Variants in PLEKHA6 observed in about 807,000 individuals in gnomAD.
PLEKHA6 encodes the protein pleckstrin homology domain containing A6.
PLEKHA6 carries 60 observed loss-of-function variants against 116.7 expected under a neutral mutation model. The observed-to-expected ratio is 0.51, with a 90% CI of 0.42 to 0.64. The LOEUF (loss-of-function observed/expected upper bound fraction) is 0.64. Among genes scored for constraint, PLEKHA6 ranks in the 30% least tolerant of loss-of-function variants. PLEKHA6 has a pLI of 0.00. For missense variants in PLEKHA6, 1,338 were observed against 1,422.7 expected, an observed-to-expected ratio of 0.94 and a Z score of 0.96; for synonymous variants, 489 against 556.1, an observed-to-expected ratio of 0.88 and a Z score of 1.70.
At chr1:204,276,637 G>GACACACACACAC (rs10567692) in intron 1 of PLEKHA6, among the ~76,000 whole-genome samples, 3 of 136,828 alleles carry the variant, frequency 2.2e-5, no homozygotes, top group South Asian at 2.6e-4. Flanking sequence ...CACTGGCACA[G>GACACACACACAC]ACACACACAC....
At chr1:204,245,124 T>G in intron 14 of PLEKHA6, 121 bp from the exon 15 acceptor site, 1 of 681,424 alleles carries the variant, frequency 1.5e-6, no homozygotes, top group Non-Finnish European at 2.3e-6. Context: ...AGGGCAGATT[T>G]AGTGTCTCAG....
rs5780222 is a variant in PLEKHA6, at chr1:204,253,833, C to CAA, written c.1525-3221_1525-3220dup. Reference sequence around the variant, plus strand: ...TAGGCAACAGAGTGAGATCTTGTCTCAAAAAAAAAAAAAAAAACAAAAACA... The same window carrying CAA: ...TAGGCAACAGAGTGAGATCTTGTCTCAAAAAAAAAAAAAAAAAAACAAAAACA... On this transcript the variant is annotated intron_variant, in intron 9 of 22. Transcript: ENST00000272203. 1.1e-3 allele frequency among the ~76,000 whole-genome samples: 143 copies of CAA among 131,872 alleles called. 1 individual carries two copies. Among genetic ancestry groups the CAA allele is most frequent in the Non-Finnish European group, 1.7e-3 (107 of 61,640 alleles). The allele number at this position is 131,872 out of a possible 152,430, so 86.5% of individuals were successfully genotyped here.
intron 3 of PLEKHA6, 130 bp from the exon 4 acceptor site, chr1:204,268,442 C>G: frequency 2.2e-6 from 1 of 459,484 alleles, no homozygotes. Context: ...ACCAAGGGGC[C>G]CAGGTGTGAA....
chr1:204,274,742 A>C lies in PLEKHA6; in HGVS notation c.-27T>G. The C allele has an allele frequency of 1.0e-5, 10 of 985,858 alleles. No individual in the cohort carries two copies. Among genetic ancestry groups the C allele is most frequent in the Non-Finnish European group, 1.2e-5 (10 of 829,970 alleles). 61.1% of individuals were successfully genotyped at this position (985,858 alleles called of 1,614,324 possible). A position where few individuals can be genotyped will look rare whatever the true frequency, so the allele number is the denominator to read the frequency against. ...GGACACACTTACATTTTCAAGTCAA[A>C]TTTTTTGTTTTCCTCTGGGACCTGG... On this transcript the variant is annotated 5_prime_UTR_variant, in exon 2 of 23. Transcript: ENST00000272203.
In PLEKHA6 at chr1:204,275,273, CT is replaced by C. The variant is rs931533466; in HGVS notation, c.-94-465del. ...CCTTGGACTCCTCCTCCTTCTCCTGCTTTTGCTCCGTCTCTTTCTTAAAAGG... is the reference window on the plus strand; with the variant it reads ...CCTTGGACTCCTCCTCCTTCTCCTGCTTTGCTCCGTCTCTTTCTTAAAAGG... On this transcript the variant is annotated intron_variant, in intron 1 of 22. Transcript: ENST00000272203. 1.1e-4 allele frequency among the ~76,000 whole-genome samples: 17 copies of C among 152,188 alleles called. 1 individual carries two copies. Among genetic ancestry groups the C allele is most frequent in the African/African-American group, 4.1e-4 (17 of 41,454 alleles).
In PLEKHA6 at chr1:204,264,853, G is replaced by C. The variant is rs536891647; in HGVS notation, c.381+89C>G. 18 of 960,178 alleles carry C rather than the reference G, an allele frequency of 1.9e-5. 1 individual carries two copies. The highest frequency in any genetic ancestry group is 1.4e-4 in the East Asian group (6 of 41,766). 59.5% of individuals were successfully genotyped at this position (960,178 alleles called of 1,614,324 possible). A position where few individuals can be genotyped will look rare whatever the true frequency, so the allele number is the denominator to read the frequency against. ...ACCACCACCTGGGATTCCTTAGAGC[G>C]ATGGCTCTTGGCCCTTCTCCATTCC... On this transcript the variant is annotated intron_variant, in intron 6 of 22. Coordinates refer to ENST00000272203, the MANE Select transcript of PLEKHA6 (RefSeq NM_014935.5).
chr1:204,356,582 T>TA (rs200864913), intron 1 of PLEKHA6, among the ~76,000 whole-genome samples: 6,003 of 126,336 alleles, frequency 0.048, 395 homozygotes, highest in African/African-American at 0.19. Context: ...ATAATAATAA[T>TA]ATTAATAATA....
intron 3 of PLEKHA6, among the ~76,000 whole-genome samples, chr1:204,365,928 G>A (rs1673638185): frequency 6.6e-6 from 1 of 152,202 alleles, no homozygotes; most frequent in Non-Finnish European, 1.5e-5. Context: ...TCTCTGAGGA[G>A]GTGACATGGG....
At chr1:204,347,476 G>A (rs535638992) in intron 1 of PLEKHA6, among the ~76,000 whole-genome samples, 7 of 151,016 alleles carry the variant, frequency 4.6e-5, no homozygotes, top group African/African-American at 7.3e-5. Flanking sequence ...TGCAGTTAAC[G>A]CAATTATCAC....
intron 21 of PLEKHA6, among the ~76,000 whole-genome samples, chr1:204,227,440 G>A (rs977253421): frequency 2.6e-5 from 4 of 152,084 alleles, no homozygotes; most frequent in African/African-American, 9.7e-5. Context: ...ATCTATTCTG[G>A]GATGATATCT....
intron 1 of PLEKHA6, among the ~76,000 whole-genome samples, chr1:204,334,272 T>C (rs1384754889): frequency 6.6e-6 from 1 of 152,146 alleles, no homozygotes; most frequent in African/African-American, 2.4e-5. Flanking sequence ...GGCAACAAGA[T>C]GAGTGGGACG....
intron 3 of PLEKHA6, among the ~76,000 whole-genome samples, chr1:204,365,095 C>A (rs545427930): frequency 6.6e-6 from 1 of 152,116 alleles, no homozygotes; most frequent in Admixed American, 6.6e-5. Context: ...GTTGAGGGAA[C>A]CACAAGTGAT....
At chr1:204,320,942 G>A (rs970062149) in intron 1 of PLEKHA6, among the ~76,000 whole-genome samples, 1 of 152,144 alleles carries the variant, frequency 6.6e-6, no homozygotes, top group Non-Finnish European at 1.5e-5. Flanking sequence ...CCCAGCACCT[G>A]GAAATGAAGC....
At position 204,277,671 on chromosome 1, in the gene PLEKHA6, C is replaced by T. The variant is rs955441040; in HGVS notation, c.-94-2862G>A. ...CCGATTCATCTGCTGTTATTGCTGC[C>T]GCTGCTGAGAAGCTGAGATTGATTG... On this transcript the variant is annotated intron_variant, in intron 1 of 22. Transcript: ENST00000272203. The surrounding 1 kb of genome is among the most constrained non-coding windows in gnomAD (Gnocchi z 4.1). The T allele has an allele frequency of 9.9e-5, 15 of 152,198 alleles. No homozygotes were observed. The highest frequency in any genetic ancestry group is 1.9e-4 in the Non-Finnish European group (13 of 68,050). 9.4% of individuals were successfully genotyped at this position (152,198 alleles called of 1,614,324 possible).
At chr1:204,347,884 C>T (rs1264683603) in intron 1 of PLEKHA6, among the ~76,000 whole-genome samples, 1 of 152,146 alleles carries the variant, frequency 6.6e-6, no homozygotes, top group East Asian at 1.9e-4. Flanking sequence ...CATCCAATTT[C>T]ACAGTGTAAA....
At chr1:204,241,102 T>G (rs1286766868) in intron 17 of PLEKHA6, among the ~76,000 whole-genome samples, 2 of 152,208 alleles carry the variant, frequency 1.3e-5, no homozygotes, top group Non-Finnish European at 2.9e-5. Context: ...TAATACTTAC[T>G]AAACTCCCCT....
At chr1:204,316,738 T>A (rs556327651) in intron 1 of PLEKHA6, among the ~76,000 whole-genome samples, 2 of 152,354 alleles carry the variant, frequency 1.3e-5, no homozygotes, top group South Asian at 4.1e-4. Context: ...AATACAGGTA[T>A]CAAACTTACC....
intron 1 of PLEKHA6, among the ~76,000 whole-genome samples, chr1:204,304,081 GT>G (rs1477022662): frequency 6.6e-6 from 1 of 152,120 alleles, no homozygotes; most frequent in Non-Finnish European, 1.5e-5. Context: ...ATTTTTAAAT[GT>G]TCTTGACTTC....
chr1:204,282,636 T>G lies in PLEKHA6; in HGVS notation c.-94-7827A>C. 3 of 984,988 alleles carry G rather than the reference T, an allele frequency of 3.0e-6. No individual in the cohort carries two copies. In the South Asian group the frequency reaches 1.4e-4, roughly 46 times the overall value. 61.0% of individuals were successfully genotyped at this position (984,988 alleles called of 1,614,324 possible). On this transcript the variant is annotated intron_variant, in intron 1 of 22. Transcript: ENST00000272203. ...TTCCCGGGTACAGCCAGTCCTTAAC[T>G]GTCTCAACACTGAAGTGTCTTCCAA...
Sources: gnomAD v4.1 joint callset for allele counts (sites outside exome capture counted in the v4.1 genomes callset) on GRCh38, gnomAD v4.1.1 for gene constraint, Gnocchi (gnomAD v3.1) non-coding constraint, MANE v1.5 for transcripts, NCBI Gene and HGNC (gene_info 2026-07-23, HGNC 2026-07-21) for gene names.